NEB: variants seen among roughly 807,000 people sequenced by gnomAD.
NEB encodes the protein nemaline myopathy type 2.
NEB carries 512 observed loss-of-function variants against 952.2 expected under a neutral mutation model. That is an observed-to-expected ratio of 0.54 (90% confidence interval 0.50 to 0.58). The LOEUF is 0.58. Among genes scored for constraint, NEB ranks in the 20% least tolerant of loss-of-function variants. The pLI, the probability that NEB is intolerant of heterozygous loss-of-function variation, is 0.00. For missense variants in NEB, 8,428 were observed against 9,231.1 expected (o/e 0.91, Z 3.56); for synonymous variants, 2,900 against 3,149.8 (o/e 0.92, Z 2.66).
At chr2:151,630,591 T>A (rs555736662) in intron 67 of NEB, 124 bp downstream of exon 67, 2 of 693,686 alleles carry the variant, frequency 2.9e-6, no homozygotes, top group East Asian at 5.6e-5. Flanking sequence ...AGATGAAAGG[T>A]TGGATGAGTG....
In NEB at chr2:151,486,238, C is replaced by G. The variant is rs1574279207; in HGVS notation, c.25405-305G>C. The G allele has an allele frequency of 1.1e-5, 3 of 271,548 alleles. No individual in the cohort carries two copies. In the East Asian group the frequency reaches 2.3e-4, roughly 20 times the overall value. 16.8% of individuals were successfully genotyped at this position (271,548 alleles called of 1,614,324 possible). On this transcript the variant is annotated intron_variant, in intron 181 of 181. Coordinates refer to ENST00000397345, the MANE Select transcript of NEB (RefSeq NM_001164508.2). ...AAAAGATAGACAAATAGCCAAAAAG[C>G]ACACAAAAGGATGCTCAAAATTAGT... is the stretch of plus-strand genomic sequence containing the variant.
At chr2:151,719,084 C>A (rs1315557893) in intron 9 of NEB, among the ~76,000 whole-genome samples, 1 of 152,198 alleles carries the variant, frequency 6.6e-6, no homozygotes, top group Non-Finnish European at 1.5e-5. Context: ...CCTGGGATCT[C>A]ACTCAACTTG....
chr2:151,530,279 G>A (rs2089936416), intron 145 of NEB, among the ~76,000 whole-genome samples: 1 of 152,172 alleles, frequency 6.6e-6, no homozygotes, highest in Admixed American at 6.5e-5. Context: ...AGGAGGGAAA[G>A]GCACAGAGAA....
intron 153 of NEB, among the ~76,000 whole-genome samples, chr2:151,524,075 A>T (rs1454137239): frequency 1.3e-5 from 2 of 152,198 alleles, no homozygotes; most frequent in African/African-American, 4.8e-5. Context: ...ATAGTTAAGC[A>T]CACAGACACC....
In NEB at chr2:151,497,398, A is replaced by AAAAG. The variant is rs537551104; in HGVS notation, c.24300+224_24300+227dup. On this transcript the variant is annotated intron_variant, in intron 171 of 181. Coordinates refer to ENST00000397345, the MANE Select transcript of NEB (RefSeq NM_001164508.2). ...AACTGAAAAACTCATTATTTTAAAA[A>AAAAG]AAAGATTGAAAATACCAGATGAAAT... 1,203 of 977,872 alleles carry AAAAG rather than the reference A, an allele frequency of 1.2e-3. 12 individuals are homozygous for AAAAG. The South Asian group carries it at 0.029, about 24-fold the overall frequency. The allele number at this position is 977,872 out of a possible 1,614,324, so 60.6% of individuals were successfully genotyped here.
chr2:151,633,925 T>C lies in NEB; in HGVS notation c.9143A>G (p.His3048Arg), dbSNP rs2098712192. 1.9e-6 allele frequency: 3 copies of C among 1,613,880 alleles called. No homozygotes were observed. Among genetic ancestry groups the C allele is most frequent in the South Asian group, 1.1e-5 (1 of 91,088 alleles). ...KDGYCKQLGH[H>R]IGARNIEDDP... is the part of the protein sequence containing the mutation. The stretch of plus-strand genomic sequence containing the variant: ...ATCTTCAATGTTCCGGGCTCCAATA[T>C]GGTGGCCAAGTTGCTTGCAGTAACC... Residue 3048 changes from histidine (H) to arginine (R), a missense_variant, in exon 65 of 182, where the codon CAT (histidine) becomes CGT (arginine). Physicochemically the swap from His to Arg is conservative, Grantham distance 29. Around this residue, in one of 11 missense-constraint regions of NEB, gnomAD observed 1,772 missense variants for 1,960.3 expected, o/e 0.90. Transcript: ENST00000397345.
chr2:151,726,813 G>A (rs1035502540), intron 5 of NEB, among the ~76,000 whole-genome samples: 1 of 152,050 alleles, frequency 6.6e-6, no homozygotes, highest in Non-Finnish European at 1.5e-5. Flanking sequence ...ATCACCTGTG[G>A]CCAGGAGTTT....
chr2:151,726,795 G>A (rs995389140), intron 5 of NEB, among the ~76,000 whole-genome samples: 1 of 152,144 alleles, frequency 6.6e-6, no homozygotes, highest in Non-Finnish European at 1.5e-5. Context: ...TGGGGCCAAG[G>A]TGGGAGGATC....
chr2:151,642,591 T>C lies in NEB; in HGVS notation c.8356A>G (p.Arg2786Gly), dbSNP rs201747395. 1.1e-4 allele frequency: 175 copies of C among 1,613,146 alleles called. No individual in the cohort carries two copies. The highest frequency in any genetic ancestry group is 1.4e-4 in the Non-Finnish European group (164 of 1,179,406). Residue 2786 changes from arginine (R) to glycine (G), a missense_variant, in exon 60 of 182, where the codon AGA becomes GGA. By Grantham distance (125) the Arg-to-Gly change is moderately radical. This residue lies in a region of NEB where 1,772 missense variants were observed against 1,960.3 expected (regional missense o/e 0.90). Coordinates refer to ENST00000397345, the MANE Select transcript of NEB (RefSeq NM_001164508.2). ...ATACTTACTTCACTTGCAATATCTC[T>C]GGAGGCCTTGGCTGCCTTGATAGGA... Reference protein sequence around the residue: ...AIPIKAAKASRDIASEFKYKE... With the variant: ...AIPIKAAKASGDIASEFKYKE...
At chr2:151,684,169 A>T (rs371300756) in intron 28 of NEB, among the ~76,000 whole-genome samples, 30 of 152,310 alleles carry the variant, frequency 2.0e-4, no homozygotes, top group African/African-American at 6.7e-4. Context: ...ACTTAACACC[A>T]CTGAACTGTA....
chr2:151,646,251 T>G lies in NEB; in HGVS notation c.7432-17A>C. On this transcript the variant is annotated splice_polypyrimidine_tract_variant and intron_variant, in intron 54 of 181. Transcript: ENST00000397345. Reference sequence around the variant, plus strand: ...ATAAAGTCTCTAAAATAAGAAATAATAATTTTTCAGTGGTGTTGTTAGATT... The same window carrying G: ...ATAAAGTCTCTAAAATAAGAAATAAGAATTTTTCAGTGGTGTTGTTAGATT... 6.5e-7 allele frequency: 1 copy of G among 1,535,822 alleles called. No homozygotes were observed. Among genetic ancestry groups the G allele is most frequent in the Non-Finnish European group, 8.9e-7 (1 of 1,129,478 alleles).
At position 151,527,481 on chromosome 2, in the gene NEB, A is replaced by G. The variant is rs770721746; in HGVS notation, c.21840T>C (p.Asp7280=). The part of the protein sequence containing the change: ...QAAKSSLQQS[D]FEYKLDREFL... ...ATCGTCTGTGTCTCTCCTGTCTTAC[A>G]TCGCTTTGCTGCAGGGATGACTTGG... Residue 7280 remains aspartate (D), a splice_region_variant and synonymous_variant, in exon 147 of 182, where the codon GAT becomes GAC. Transcript: ENST00000397345. 3.7e-6 allele frequency: 6 copies of G among 1,610,128 alleles called. No homozygotes were observed. The Admixed American group carries it at 5.0e-5, about 13-fold the overall frequency.
At chr2:151,622,961 AAAG>A (rs1486767974) in intron 71 of NEB, among the ~76,000 whole-genome samples, 12 of 152,182 alleles carry the variant, frequency 7.9e-5, no homozygotes, top group African/African-American at 2.7e-4. Context: ...AGTGATTATG[AAAG>A]AAGTGGGATG....
At chr2:151,620,692 C>G (rs1350146652) in intron 72 of NEB, among the ~76,000 whole-genome samples, 1 of 152,024 alleles carries the variant, frequency 6.6e-6, no homozygotes. Flanking sequence ...GGCACTCACT[C>G]CTATTGAGCA....
chr2:151,624,972 T>G (rs935313976), intron 71 of NEB, among the ~76,000 whole-genome samples: 1 of 152,204 alleles, frequency 6.6e-6, no homozygotes, highest in African/African-American at 2.4e-5. Flanking sequence ...TTTCAGTTCT[T>G]GTAAATAAAG....
At position 151,656,340 on chromosome 2, in the gene NEB, T is replaced by C. The variant is rs1416586033; in HGVS notation, c.6308A>G (p.Lys2103Arg). ...VAKMQSDREY[K>R]KNYENTKTSY... ...GGTCTTTGTGTTCTCATAGTTTTTCTTGTACTCCCGATCAGATTGCATCTT... is the reference window on the plus strand; with the variant it reads ...GGTCTTTGTGTTCTCATAGTTTTTCCTGTACTCCCGATCAGATTGCATCTT... The change falls in exon 49 of 182, where the codon AAG becomes AGG. Residue 2103 changes from lysine to arginine, a missense_variant. By Grantham distance (26) the Lys-to-Arg change is conservative. Coordinates refer to ENST00000397345, the MANE Select transcript of NEB (RefSeq NM_001164508.2). 3.1e-6 allele frequency: 5 copies of C among 1,613,548 alleles called. No individual in the cohort carries two copies. In the African/African-American group the frequency reaches 6.7e-5, roughly 22 times the overall value.
intron 28 of NEB, among the ~76,000 whole-genome samples, chr2:151,683,665 T>C (rs1035710170): frequency 2.6e-5 from 4 of 152,150 alleles, no homozygotes; most frequent in Admixed American, 6.5e-5. Flanking sequence ...GTGGTTCCTC[T>C]ACAAATAAAA....
At position 151,636,283 on chromosome 2, in the gene NEB, G is replaced by T. The variant is rs1057517977; in HGVS notation, c.9046C>A (p.Arg3016=). 6.2e-7 allele frequency: 1 copy of T among 1,609,638 alleles called. No individual in the cohort carries two copies. Residue 3016 remains arginine (R), a synonymous_variant, in exon 64 of 182, where the codon CGA becomes AGA. Transcript: ENST00000397345. ...GCCACGATGGGGATGGCGTCGCTTC[G>T]CAAGTCATAGCCTTTCTTCTTTGCT... is the stretch of plus-strand genomic sequence containing the variant. ...EEAKKKGYDL[R]SDAIPIVAAK...
At position 151,688,286 on chromosome 2, in the gene NEB, A is replaced by G. The variant is rs760614044; in HGVS notation, c.2415+6T>C. ...AAACATAGGCTTCTGTGGCTTTGGT[A>G]CTTACATCACTCAGATTATAGGCAT... On this transcript the variant is annotated splice_donor_region_variant and intron_variant, in intron 25 of 181. Coordinates refer to ENST00000397345, the MANE Select transcript of NEB (RefSeq NM_001164508.2). 1 of 1,596,600 alleles carries G rather than the reference A, an allele frequency of 6.3e-7. No homozygotes were observed. Among genetic ancestry groups the G allele is most frequent in the Non-Finnish European group, 8.6e-7 (1 of 1,164,328 alleles).
Sources: gnomAD v4.1 joint callset for allele counts (sites outside exome capture counted in the v4.1 genomes callset) on GRCh38, gnomAD v4.1.1 for gene constraint, gnomAD v4.1.1 regional missense constraint, MANE v1.5 for transcripts, NCBI Gene and HGNC (gene_info 2026-07-23, HGNC 2026-07-21) for gene names.